ZNF732: variants seen among roughly 807,000 people sequenced by gnomAD.
ZNF732 encodes zinc finger protein LOC654254.
Under a neutral mutation model 11.5 loss-of-function variants are expected in ZNF732, and 12 were observed. The observed-to-expected ratio is 1.05, with a 90% confidence interval of 0.67 to 1.70. ZNF732 has a LOEUF of 1.70. Ranked by LOEUF, ZNF732 falls within the 40% of genes most tolerant of loss-of-function variation. The pLI, the probability that ZNF732 is intolerant of heterozygous loss-of-function variation, is 0.00. For missense variants in ZNF732, 702 were observed against 676.9 expected, an observed-to-expected ratio of 1.04 and a Z score of -0.41; for synonymous variants, 231 against 236.5, an observed-to-expected ratio of 0.98 and a Z score of 0.21.
At chr4:299,780 T>C (rs1368574970) in intron 1 of ZNF732, among the ~76,000 whole-genome samples, 4 of 148,374 alleles carry the variant, frequency 2.7e-5, no homozygotes, top group African/African-American at 9.9e-5. Flanking sequence ...GACCGCAACC[T>C]CTGGCTCCTG....
chr4:288,962 G>A (rs1248983920), intron 3 of ZNF732, among the ~76,000 whole-genome samples: 1 of 152,156 alleles, frequency 6.6e-6, no homozygotes, highest in Non-Finnish European at 1.5e-5. Context: ...ATAAATACCT[G>A]ACACTGGATA....
intron 3 of ZNF732, among the ~76,000 whole-genome samples, chr4:273,647 C>T (rs944441172): frequency 4.0e-5 from 6 of 151,496 alleles, no homozygotes; most frequent in Non-Finnish European, 7.4e-5. Context: ...GATATAAAAA[C>T]GGAAGAAGCT....
At position 271,128 on chromosome 4, in the gene ZNF732, T is replaced by C; in HGVS notation, c.1729A>G (p.Asn577Asp). The part of the protein sequence containing the change: ...FKWSSYLNQH[N>D]KIYTGEKL ...AGTTTCTCTCCAGTATAAATTTTAT[T>C]ATGTTGATTAAGGTATGAGGACCAC... The change falls in exon 4 of 4, where the codon AAT (asparagine) becomes GAT (aspartate). Residue 577 changes from asparagine (N) to aspartate (D), a missense_variant. Transcript: ENST00000419098. The C allele has an allele frequency of 6.6e-7, 1 of 1,519,334 alleles. No individual in the cohort carries two copies. The highest frequency in any genetic ancestry group is 1.4e-5 in the African/African-American group (1 of 71,090). The allele number at this position is 1,519,334 out of a possible 1,614,324, so 94.1% of individuals were successfully genotyped here.
At chr4:288,913 G>T (rs1424619299) in intron 3 of ZNF732, among the ~76,000 whole-genome samples, 2 of 152,128 alleles carry the variant, frequency 1.3e-5, no homozygotes, top group Non-Finnish European at 2.9e-5. Context: ...CCATGTTATT[G>T]CAACAATATT....
intron 1 of ZNF732, among the ~76,000 whole-genome samples, chr4:297,607 T>TAAAAAAAAAAAAAAAAAAAAAAAAA (rs57681246): frequency 9.9e-6 from 1 of 101,016 alleles, no homozygotes. Context: ...TTAAGATTTG[T>TAAAAAAAAAAAAAAAAAAAAAAAAA]AAAAAAAAAA....
intron 1 of ZNF732, among the ~76,000 whole-genome samples, chr4:299,628 T>G (rs113125124): frequency 9.8e-5 from 14 of 143,006 alleles, no homozygotes; most frequent in Non-Finnish European, 9.1e-5. Context: ...AATAATATAT[T>G]TGTATATATT....
intron 1 of ZNF732, among the ~76,000 whole-genome samples, chr4:300,323 CATG>C (rs1560165705): frequency 6.6e-6 from 1 of 151,130 alleles, no homozygotes; most frequent in African/African-American, 2.4e-5. Context: ...ATTAGCCAGG[CATG>C]GTGGTGGGTG....
chr4:298,232 C>T (rs1720001349), intron 1 of ZNF732, among the ~76,000 whole-genome samples: 1 of 152,194 alleles, frequency 6.6e-6, no homozygotes, highest in Admixed American at 6.5e-5. Flanking sequence ...CTTAAGTGTC[C>T]TGTACAATTT....
At chr4:284,724 C>CAAGT (rs1560160092) in intron 3 of ZNF732, among the ~76,000 whole-genome samples, 1 of 150,860 alleles carries the variant, frequency 6.6e-6, no homozygotes, top group Non-Finnish European at 1.5e-5. Context: ...TACAAAAATT[C>CAAGT]GCCGGGCGTG....
chr4:302,007 G>A (rs531196424), intron 1 of ZNF732, among the ~76,000 whole-genome samples: 1 of 152,298 alleles, frequency 6.6e-6, no homozygotes, highest in South Asian at 2.1e-4. Context: ...ACTGACGAAG[G>A]AGGAATAACT....
At position 270,806 on chromosome 4, in the gene ZNF732, G is replaced by T; in HGVS notation, c.*293C>A. 1.7e-6 allele frequency: 1 copy of T among 597,120 alleles called. No homozygotes were observed. 37.0% of individuals were successfully genotyped at this position (597,120 alleles called of 1,614,324 possible). ...ATATGAATTTTCTTATGTTCACTCA[G>T]GGTTGTGGACCATCTAAAAGCTTTG... On this transcript the variant is annotated 3_prime_UTR_variant, in exon 4 of 4. Coordinates refer to ENST00000419098, the MANE Select transcript of ZNF732 (RefSeq NM_001137608.3).
intron 3 of ZNF732, among the ~76,000 whole-genome samples, chr4:288,233 A>C (rs1474602733): frequency 6.6e-6 from 1 of 152,172 alleles, no homozygotes; most frequent in Non-Finnish European, 1.5e-5. Context: ...GTTAATGTGC[A>C]GAGATAAATT....
intron 3 of ZNF732, among the ~76,000 whole-genome samples, chr4:286,236 CATT>C (rs1719726137): frequency 6.6e-6 from 1 of 152,168 alleles, no homozygotes; most frequent in African/African-American, 2.4e-5. Flanking sequence ...CATCATACAT[CATT>C]ACTTTAAAAA....
intron 3 of ZNF732, among the ~76,000 whole-genome samples, chr4:292,551 C>A (rs1719859850): frequency 7.5e-6 from 1 of 133,128 alleles, no homozygotes; most frequent in Non-Finnish European, 1.6e-5. Context: ...GAGCAAAACT[C>A]TGTCTCAAAA....
intron 3 of ZNF732, among the ~76,000 whole-genome samples, chr4:277,686 G>A (rs1038191711): frequency 2.0e-5 from 3 of 151,836 alleles, no homozygotes; most frequent in Non-Finnish European, 4.4e-5. Context: ...AAAAAAACAA[G>A]TATCACAGGA....
chr4:301,556 G>T (rs374235749), intron 1 of ZNF732, among the ~76,000 whole-genome samples: 1 of 152,084 alleles, frequency 6.6e-6, no homozygotes, highest in Non-Finnish European at 1.5e-5. Context: ...TGATGAGTTC[G>T]TGTCCTTTGT....
intron 3 of ZNF732, among the ~76,000 whole-genome samples, chr4:274,116 CACT>C (rs1458709100): frequency 1.3e-5 from 2 of 151,700 alleles, no homozygotes; most frequent in African/African-American, 4.8e-5. Context: ...AGTTCTGTAC[CACT>C]ATCATATTAC....
chr4:272,749 G>A, intron 3 of ZNF732, 119 bp from the exon 4 acceptor site: 1 of 977,302 alleles, frequency 1.0e-6, no homozygotes. Flanking sequence ...AATACCACAG[G>A]CCATAATTTC....
At chr4:290,652 T>C (rs1719826827) in intron 3 of ZNF732, among the ~76,000 whole-genome samples, 1 of 152,234 alleles carries the variant, frequency 6.6e-6, no homozygotes, top group African/African-American at 2.4e-5. Flanking sequence ...CACCTGTTAT[T>C]TGGGCCATCA....
Sources: allele counts gnomAD v4.1 joint callset (sites outside exome capture counted in the v4.1 genomes callset), GRCh38; gene constraint gnomAD v4.1.1; transcripts MANE v1.5; gene names NCBI Gene and HGNC (gene_info 2026-07-23, HGNC 2026-07-21).